Variants in GRM8 observed in about 807,000 individuals in gnomAD.
GRM8 encodes glutamate metabotropic receptor 8.
GRM8 carries 47 observed loss-of-function variants against 87.2 expected under a neutral mutation model. The ratio of observed to expected loss-of-function variants is 0.54; its 90% CI spans 0.43 to 0.69. The LOEUF (loss-of-function observed/expected upper bound fraction) is 0.69, where lower values mean the gene tolerates loss of function less well. Ranked by LOEUF, GRM8 falls within the 30% of genes least tolerant of loss-of-function variation. GRM8 has a pLI of 0.00. For missense variants in GRM8, 1,019 were observed against 1,139.2 expected (o/e 0.89, Z 1.52); for synonymous variants, 396 against 404.5 (o/e 0.98, Z 0.25).
intron 7 of GRM8, among the ~76,000 whole-genome samples, chr7:126,627,048 A>G (rs1800777117): frequency 6.6e-6 from 1 of 152,182 alleles, no homozygotes; most frequent in Non-Finnish European, 1.5e-5. Flanking sequence ...AAACAGTTAT[A>G]TAATTTTCTT....
intron 9 of GRM8, among the ~76,000 whole-genome samples, chr7:126,447,833 T>A (rs1347572076): frequency 6.6e-6 from 1 of 151,946 alleles, no homozygotes; most frequent in Non-Finnish European, 1.5e-5. Context: ...GCCCAGTTCA[T>A]CTGCCACTAA....
rs886545664 is a variant in GRM8 at position 126,987,559 on chromosome 7, C to T, written c.728-82876G>A. 2.0e-5 allele frequency among the ~76,000 whole-genome samples: 3 copies of T among 152,160 alleles called. 1 individual carries two copies. In the Middle Eastern group the frequency reaches 0.01, roughly 518 times the overall value. ...TACTGCAAGCTCCGCCTCCCAGGTT[C>T]ACGCCATTCTCCTGCCTCAGCCTCC... On this transcript the variant is annotated intron_variant, in intron 3 of 10. Transcript: ENST00000339582.
At position 126,997,499 on chromosome 7, in the gene GRM8, GT is replaced by G. The variant is rs1208129160; in HGVS notation, c.728-92817del. ...AAAAGATAAACAAAACCAGAAGTTT[GT>G]TTTTTTTAAAGATAAGCAAAATTGG... On this transcript the variant is annotated intron_variant, in intron 3 of 10. Coordinates refer to ENST00000339582, the MANE Select transcript of GRM8 (RefSeq NM_000845.3). Among the ~76,000 whole-genome samples, 9 of 145,288 alleles carry G rather than the reference GT, an allele frequency of 6.2e-5. No individual in the cohort carries two copies. The South Asian group carries it at 1.1e-3, about 18-fold the overall frequency.
chr7:126,728,941 C>G (rs748803781), intron 7 of GRM8, among the ~76,000 whole-genome samples: 2 of 152,200 alleles, frequency 1.3e-5, no homozygotes, highest in Non-Finnish European at 2.9e-5. Context: ...CTCACCACTT[C>G]ATTTCCTTCA....
chr7:126,668,522 G>A (rs577869651), intron 7 of GRM8, among the ~76,000 whole-genome samples: 14 of 150,562 alleles, frequency 9.3e-5, no homozygotes, highest in Admixed American at 8.0e-4. Context: ...GCTCCCCACC[G>A]CCACCCCCAT....
chr7:126,891,877 G>A (rs1470693872), intron 6 of GRM8, among the ~76,000 whole-genome samples: 1 of 151,854 alleles, frequency 6.6e-6, no homozygotes, highest in Non-Finnish European at 1.5e-5. Flanking sequence ...AAAAAGAGCA[G>A]AAAATAAGCT....
intron 3 of GRM8, among the ~76,000 whole-genome samples, chr7:127,013,206 G>C (rs942861364): frequency 6.6e-6 from 1 of 152,190 alleles, no homozygotes; most frequent in Non-Finnish European, 1.5e-5. Flanking sequence ...GGACTCACAG[G>C]CTGGAGCAGA....
At chr7:126,646,262 A>AGAAGGAAGGAAGGAAGGAAGGAAG (rs201279417) in intron 7 of GRM8, among the ~76,000 whole-genome samples, 5,917 of 137,766 alleles carry the variant, frequency 0.043, 215 homozygotes, top group East Asian at 0.062. Flanking sequence ...AAGGAGGGAA[A>AGAAGGAAGGAAGGAAGGAAGGAAG]GAAGGAAGGA....
At chr7:127,123,950 C>G (rs1430473831) in intron 2 of GRM8, among the ~76,000 whole-genome samples, 1 of 152,146 alleles carries the variant, frequency 6.6e-6, no homozygotes, top group African/African-American at 2.4e-5. Context: ...AGCCTCAACT[C>G]TGCTCTGAAT....
chr7:127,178,723 TG>T (rs1794259731), intron 2 of GRM8, among the ~76,000 whole-genome samples: 1 of 152,226 alleles, frequency 6.6e-6, no homozygotes, highest in Admixed American at 6.5e-5. Context: ...CCAAGAATTT[TG>T]TATCCAGCAA....
chr7:126,839,074 T>C (rs1796043271), intron 6 of GRM8, among the ~76,000 whole-genome samples: 1 of 152,170 alleles, frequency 6.6e-6, no homozygotes, highest in African/African-American at 2.4e-5. Context: ...TCCACACTAC[T>C]TGCTGCTACC....
At chr7:126,878,160 C>A (rs28752129) in intron 6 of GRM8, among the ~76,000 whole-genome samples, 6 of 152,182 alleles carry the variant, frequency 3.9e-5, no homozygotes, top group Non-Finnish European at 7.3e-5. Flanking sequence ...CACCACCTAA[C>A]GCTAGGCATG....
intron 2 of GRM8, among the ~76,000 whole-genome samples, chr7:127,215,679 G>A (rs1029356): frequency 0.013 from 2,024 of 152,270 alleles, 53 homozygotes; most frequent in African/African-American, 0.046. Flanking sequence ...TATTTAAAAG[G>A]TTGTTTTTTA....
chr7:126,702,216 A>G (rs1810017120), intron 7 of GRM8, among the ~76,000 whole-genome samples: 1 of 152,190 alleles, frequency 6.6e-6, no homozygotes, highest in Non-Finnish European at 1.5e-5. Context: ...CAAATGAAAA[A>G]CAAATTAAAA....
chr7:126,923,376 G>A (rs1220458126), intron 3 of GRM8, among the ~76,000 whole-genome samples: 2 of 152,158 alleles, frequency 1.3e-5, no homozygotes, highest in Non-Finnish European at 2.9e-5. Flanking sequence ...TAATTGGTCT[G>A]ATACCCAAAT....
intron 3 of GRM8, among the ~76,000 whole-genome samples, chr7:127,079,931 A>T (rs1822674912): frequency 6.6e-6 from 1 of 152,204 alleles, no homozygotes; most frequent in Non-Finnish European, 1.5e-5. Context: ...AAACGATTGT[A>T]ACACCTAAGA....
rs1018750682 is a variant in GRM8, at chr7:126,471,412, T to A, written c.2431-25040A>T. On this transcript the variant is annotated intron_variant, in intron 9 of 10. Transcript: ENST00000339582. ...CCAGTTTCAGCTTTCTATGTATGGC[T>A]AGCCAGTTTTCCCAGCACCATTTAT... Among the ~76,000 whole-genome samples, 553 of 152,160 alleles carry A rather than the reference T, an allele frequency of 3.6e-3. 4 individuals carry two copies. Among genetic ancestry groups the A allele is most frequent in the African/African-American group, 0.013 (529 of 41,542 alleles).
At chr7:126,482,233 A>T (rs1563055995) in intron 9 of GRM8, among the ~76,000 whole-genome samples, 1 of 152,028 alleles carries the variant, frequency 6.6e-6, no homozygotes, top group Non-Finnish European at 1.5e-5. Context: ...GCTTTGGAAA[A>T]CAATATGGCA....
At chr7:126,536,600 GA>G (rs1406013368) in intron 8 of GRM8, among the ~76,000 whole-genome samples, 3 of 151,910 alleles carry the variant, frequency 2.0e-5, no homozygotes, top group Non-Finnish European at 1.5e-5. Flanking sequence ...AAGATTACAG[GA>G]AGAAAGAAAT....
Sources: allele counts gnomAD v4.1 joint callset (sites outside exome capture counted in the v4.1 genomes callset), GRCh38; gene constraint gnomAD v4.1.1; transcripts MANE v1.5; gene names NCBI Gene and HGNC (gene_info 2026-07-23, HGNC 2026-07-21).